The following TMEM132D variants were observed in gnomAD, a reference collection of about 807,000 sequenced individuals.
TMEM132D encodes transmembrane protein 132D.
In TMEM132D, 21 loss-of-function variants were observed where a neutral mutation model predicts 62.3. The ratio of observed to expected loss-of-function variants is 0.34; its 90% CI spans 0.24 to 0.49. The LOEUF (loss-of-function observed/expected upper bound fraction) is 0.49, where lower values mean the gene tolerates loss of function less well. TMEM132D is among the 20% of genes least tolerant of loss of function. TMEM132D has a pLI of 0.99. For missense variants in TMEM132D, 1,346 were observed against 1,402.8 expected, an observed-to-expected ratio of 0.96 and a Z score of 0.65; for synonymous variants, 621 against 575.6, an observed-to-expected ratio of 1.08 and a Z score of -1.13.
rs575109642 is a variant in TMEM132D at position 129,101,905 on chromosome 12, C to A, written c.1444-17203G>T. ...CAATATTTTTGAAAATATAGAGAAA[C>A]CACCAGTCTTTTGGACTCCATGATT... On this transcript the variant is annotated intron_variant, in intron 5 of 8. Transcript: ENST00000422113. Among the ~76,000 whole-genome samples the A allele has an allele frequency of 1.3e-4, 20 of 152,008 alleles. 1 individual carries two copies. The South Asian group carries it at 3.9e-3, about 30-fold the overall frequency.
chr12:129,266,788 C>T lies in TMEM132D; in HGVS notation c.1300-57125G>A, dbSNP rs544358207. ...CATTGCCCAACATTAAGATTGACCT[C>T]CTAAATGCACCACAGATCCCTCTAC... is the stretch of plus-strand genomic sequence containing the variant. On this transcript the variant is annotated intron_variant, in intron 4 of 8. Transcript: ENST00000422113. Among the ~76,000 whole-genome samples, 10 of 152,182 alleles carry T rather than the reference C, an allele frequency of 6.6e-5. No homozygotes were observed. The South Asian group carries it at 1.9e-3, about 28-fold the overall frequency.
At chr12:129,127,951 ATGGGTGCCTGGGG>A (rs1349373766) in intron 5 of TMEM132D, among the ~76,000 whole-genome samples, 2 of 152,180 alleles carry the variant, frequency 1.3e-5, no homozygotes, top group South Asian at 4.1e-4. Flanking sequence ...CAGCTGTCAC[ATGGGTGCCTGGGG>A]GAAGCTGCCT....
chr12:129,290,356 G>A (rs1566023268), intron 4 of TMEM132D, among the ~76,000 whole-genome samples: 1 of 151,846 alleles, frequency 6.6e-6, no homozygotes, highest in Non-Finnish European at 1.5e-5. Context: ...GGTTTCTGCT[G>A]TGCTAAGACG....
intron 2 of TMEM132D, among the ~76,000 whole-genome samples, chr12:129,558,701 CA>C: frequency 6.6e-6 from 1 of 152,298 alleles, no homozygotes; most frequent in Middle Eastern, 3.4e-3. Flanking sequence ...AAGGGAGTGT[CA>C]ATGACTGATA....
intron 4 of TMEM132D, among the ~76,000 whole-genome samples, chr12:129,320,506 TAGAAA>T (rs1868664027): frequency 6.6e-6 from 1 of 152,152 alleles, no homozygotes; most frequent in African/African-American, 2.4e-5. Context: ...TAGGAAGGGC[TAGAAA>T]AAGATGATAC....
At chr12:129,495,444 C>A (rs1000740628) in intron 3 of TMEM132D, among the ~76,000 whole-genome samples, 1 of 152,112 alleles carries the variant, frequency 6.6e-6, no homozygotes. Context: ...GGTTACACAG[C>A]AGATGGGATT....
chr12:129,465,717 C>G (rs2137043020), intron 3 of TMEM132D, among the ~76,000 whole-genome samples: 1 of 152,324 alleles, frequency 6.6e-6, no homozygotes, highest in East Asian at 1.9e-4. Context: ...CAGTCTTGCT[C>G]TGTCACCCAG....
At chr12:129,515,561 A>G (rs11060384) in intron 3 of TMEM132D, among the ~76,000 whole-genome samples, 31,721 of 152,104 alleles carry the variant, frequency 0.21, 3,941 homozygotes, top group East Asian at 0.49. Context: ...CAGAAGCAGC[A>G]GCAAGAATGC....
At chr12:129,882,968 G>C (rs1328456192) in intron 1 of TMEM132D, among the ~76,000 whole-genome samples, 1 of 152,158 alleles carries the variant, frequency 6.6e-6, no homozygotes, top group Non-Finnish European at 1.5e-5. Flanking sequence ...TTTGGGAATA[G>C]AGAAAAGATG....
At chr12:129,404,004 T>G (rs1201461973) in intron 3 of TMEM132D, among the ~76,000 whole-genome samples, 1 of 151,734 alleles carries the variant, frequency 6.6e-6, no homozygotes, top group African/African-American at 2.4e-5. Flanking sequence ...AAATAAGAGA[T>G]GGATAGGTGA....
intron 4 of TMEM132D, chr12:129,211,830 A>C (rs1250442831): frequency 6.6e-6 from 1 of 152,332 alleles, no homozygotes; most frequent in Admixed American, 6.5e-5. Context: ...GAATAAAAAC[A>C]TGGCACAAAC....
At position 129,827,659 on chromosome 12, in the gene TMEM132D, T is replaced by A. The variant is rs1277184957; in HGVS notation, c.79+75602A>T. Among the ~76,000 whole-genome samples the A allele has an allele frequency of 6.6e-6, 1 of 152,190 alleles. No individual in the cohort carries two copies. The highest frequency in any genetic ancestry group is 2.4e-5 in the African/African-American group (1 of 41,440). On this transcript the variant is annotated intron_variant, in intron 1 of 8. Coordinates refer to ENST00000422113, the MANE Select transcript of TMEM132D (RefSeq NM_133448.3). The surrounding 1 kb of genome is among the most constrained non-coding windows in gnomAD (Gnocchi z 9.7). ...TTCCTTGCCATAGACCCAGACATCC[T>A]TAACAAACAAATTCCAGCAAGTCTC... is the stretch of plus-strand genomic sequence containing the variant.
At chr12:129,507,924 C>T in intron 3 of TMEM132D, among the ~76,000 whole-genome samples, 1 of 151,970 alleles carries the variant, frequency 6.6e-6, no homozygotes, top group Non-Finnish European at 1.5e-5. Context: ...TGTTAGACAC[C>T]AAAACTCCAC....
chr12:129,283,915 C>A (rs141899098), intron 4 of TMEM132D, among the ~76,000 whole-genome samples: 9 of 152,358 alleles, frequency 5.9e-5, no homozygotes, highest in African/African-American at 2.2e-4. Flanking sequence ...TGAATATGAA[C>A]TTGCCCATGA....
chr12:129,569,346 T>C (rs1877450484), intron 2 of TMEM132D, among the ~76,000 whole-genome samples: 1 of 151,576 alleles, frequency 6.6e-6, no homozygotes, highest in Non-Finnish European at 1.5e-5. Flanking sequence ...AGAGTTTTAT[T>C]GCACAGGTAC....
intron 5 of TMEM132D, among the ~76,000 whole-genome samples, chr12:129,127,457 G>A (rs1593269890): frequency 6.6e-6 from 1 of 152,060 alleles, no homozygotes. Flanking sequence ...GGTCCAGAAG[G>A]TTTCCCAAGA....
At chr12:129,860,234 G>A (rs956500740) in intron 1 of TMEM132D, among the ~76,000 whole-genome samples, 7 of 152,174 alleles carry the variant, frequency 4.6e-5, no homozygotes, top group African/African-American at 9.7e-5. Context: ...AAGGCAAAAC[G>A]ATTACTGCAT....
intron 2 of TMEM132D, among the ~76,000 whole-genome samples, chr12:129,659,096 G>A (rs575101150): frequency 2.6e-5 from 4 of 152,100 alleles, no homozygotes; most frequent in South Asian, 2.1e-4. Context: ...TTTGTTTGTA[G>A]GGATGGGGTT....
intron 5 of TMEM132D, among the ~76,000 whole-genome samples, chr12:129,114,840 G>A (rs897965405): frequency 6.6e-6 from 1 of 152,202 alleles, no homozygotes; most frequent in Non-Finnish European, 1.5e-5. Context: ...TCGCATTGTT[G>A]TGTGTGGTTG....
Sources: allele counts gnomAD v4.1 joint callset (sites outside exome capture counted in the v4.1 genomes callset), GRCh38; gene constraint gnomAD v4.1.1; non-coding constraint Gnocchi (gnomAD v3.1); transcripts MANE v1.5; gene names NCBI Gene and HGNC (gene_info 2026-07-23, HGNC 2026-07-21).